The following SCEL variants were observed in gnomAD, a reference collection of about 807,000 sequenced individuals.
SCEL encodes sciellin.
In SCEL, 113 loss-of-function variants were observed where a neutral mutation model predicts 117.6. That is an observed-to-expected ratio of 0.96 (90% CI 0.83 to 1.12). The LOEUF is 1.12. Ranked by LOEUF, SCEL falls within the 50% of genes most tolerant of loss-of-function variation. The pLI, the probability that SCEL is intolerant of heterozygous loss-of-function variation, is 0.00. For synonymous variants in SCEL, 270 were observed against 256.2 expected (o/e 1.05, Z -0.51); for missense variants, 785 against 810.8 (o/e 0.97, Z 0.39).
chr13:77,641,155 G>A (rs376405262), intron 31 of SCEL, among the ~76,000 whole-genome samples: 5 of 152,290 alleles, frequency 3.3e-5, no homozygotes, highest in African/African-American at 1.2e-4. Context: ...TGAGAAGAAA[G>A]CTAGCAGTTT....
chr13:77,591,510 T>C (rs1471198777), intron 11 of SCEL, 50 bp downstream of exon 11: 1 of 1,070,264 alleles, frequency 9.3e-7, no homozygotes, highest in East Asian at 2.4e-5. Context: ...TGATAAAGTA[T>C]GCTTTCTCAG....
At chr13:77,615,038 A>G (rs1464329786) in intron 24 of SCEL, among the ~76,000 whole-genome samples, 5 of 152,296 alleles carry the variant, frequency 3.3e-5, no homozygotes, top group Non-Finnish European at 7.4e-5. Flanking sequence ...TTGTCAGTTT[A>G]ATATATTACA....
chr13:77,592,950 G>A (rs1412807288), intron 11 of SCEL, among the ~76,000 whole-genome samples: 1 of 152,074 alleles, frequency 6.6e-6, no homozygotes, highest in Non-Finnish European at 1.5e-5. Flanking sequence ...TGGAATACAT[G>A]AGCCCTCTAT....
At chr13:77,583,085 C>A (rs1174127977) in intron 9 of SCEL, among the ~76,000 whole-genome samples, 1 of 152,218 alleles carries the variant, frequency 6.6e-6, no homozygotes, top group Non-Finnish European at 1.5e-5. Context: ...TTATTAACCA[C>A]AACAGCATCT....
chr13:77,546,800 T>C (rs1376540426), intron 1 of SCEL, among the ~76,000 whole-genome samples: 1 of 152,174 alleles, frequency 6.6e-6, no homozygotes, highest in Non-Finnish European at 1.5e-5. Context: ...CATGACACTG[T>C]CAAGGAACCG....
chr13:77,637,991 T>C (rs1281823326), intron 30 of SCEL, among the ~76,000 whole-genome samples: 1 of 152,200 alleles, frequency 6.6e-6, no homozygotes, highest in Non-Finnish European at 1.5e-5. Flanking sequence ...ATAATTAGTA[T>C]TTCAACCCAA....
chr13:77,539,917 T>C (rs1488131116), intron 1 of SCEL, among the ~76,000 whole-genome samples: 1 of 152,154 alleles, frequency 6.6e-6, no homozygotes, highest in South Asian at 2.1e-4. Context: ...AGGAAGTTAA[T>C]GAAGGGTGCT....
intron 27 of SCEL, among the ~76,000 whole-genome samples, chr13:77,619,192 A>G (rs1268889076): frequency 3.3e-5 from 5 of 152,176 alleles, no homozygotes; most frequent in Non-Finnish European, 1.5e-5. Flanking sequence ...AGTATAATCC[A>G]TGATTGGCCT....
intron 3 of SCEL, among the ~76,000 whole-genome samples, chr13:77,559,121 A>G (rs527309823): frequency 1.1e-4 from 17 of 152,280 alleles, no homozygotes; most frequent in African/African-American, 3.6e-4. Context: ...TGGGTCCTAG[A>G]CCCACCTCTG....
chr13:77,592,573 T>TC (rs2086936613), intron 11 of SCEL, among the ~76,000 whole-genome samples: 1 of 150,676 alleles, frequency 6.6e-6, no homozygotes, highest in Non-Finnish European at 1.5e-5. Flanking sequence ...TTTTTTTTTT[T>TC]TTTTTGACAG....
At chr13:77,637,492 T>G (rs2090359482) in intron 30 of SCEL, among the ~76,000 whole-genome samples, 1 of 151,370 alleles carries the variant, frequency 6.6e-6, no homozygotes, top group Non-Finnish European at 1.5e-5. Flanking sequence ...TGTATGTGCA[T>G]GGGCAGACCA....
intron 24 of SCEL, 81 bp downstream of exon 24, chr13:77,614,036 G>T: frequency 8.8e-7 from 1 of 1,130,768 alleles, no homozygotes; most frequent in Non-Finnish European, 1.3e-6. Flanking sequence ...ATTATTCTAT[G>T]GGCAAATTGA....
intron 27 of SCEL, among the ~76,000 whole-genome samples, chr13:77,625,819 T>G (rs2089701714): frequency 6.6e-6 from 1 of 152,244 alleles, no homozygotes; most frequent in Non-Finnish European, 1.5e-5. Context: ...ATAATAACCT[T>G]ATTTGAACCC....
In SCEL at chr13:77,622,768, G is replaced by A. The variant is rs75899668; in HGVS notation, c.1628+4708G>A. On this transcript the variant is annotated intron_variant, in intron 27 of 32. Coordinates refer to ENST00000349847, the MANE Select transcript of SCEL (RefSeq NM_144777.3). Reference sequence around the variant, plus strand: ...TCCCAGTTACTTGGGAAGCTAAGACGGGAAGATTGCTTGAGTCCAGGAGTT... The same window carrying A: ...TCCCAGTTACTTGGGAAGCTAAGACAGGAAGATTGCTTGAGTCCAGGAGTT... Among the ~76,000 whole-genome samples, 1,022 of 152,224 alleles carry A rather than the reference G, an allele frequency of 6.7e-3. 10 individuals carry two copies. The highest frequency in any genetic ancestry group is 0.023 in the African/African-American group (973 of 41,522).
At chr13:77,630,536 T>C (rs2089976149) in intron 28 of SCEL, among the ~76,000 whole-genome samples, 1 of 152,236 alleles carries the variant, frequency 6.6e-6, no homozygotes, top group Non-Finnish European at 1.5e-5. Context: ...TTTTTATTTC[T>C]CTTAGGTGTA....
chr13:77,606,263 G>A (rs751959805), intron 19 of SCEL, among the ~76,000 whole-genome samples: 1 of 152,188 alleles, frequency 6.6e-6, no homozygotes, highest in Non-Finnish European at 1.5e-5. Flanking sequence ...ATATACACAT[G>A]TGCTTTTTTG....
intron 27 of SCEL, among the ~76,000 whole-genome samples, chr13:77,624,805 C>CCG (rs2089644021): frequency 1.3e-5 from 2 of 152,124 alleles, no homozygotes; most frequent in African/African-American, 4.8e-5. Flanking sequence ...ACAGACCAGA[C>CCG]AATCTTAAAG....
intron 1 of SCEL, among the ~76,000 whole-genome samples, chr13:77,552,646 C>T (rs1480295955): frequency 6.6e-6 from 1 of 152,110 alleles, no homozygotes; most frequent in African/African-American, 2.4e-5. Flanking sequence ...CTGTAGGTTC[C>T]CTGTTCACTC....
chr13:77,551,627 C>T (rs1429199748), intron 1 of SCEL, among the ~76,000 whole-genome samples: 2 of 152,108 alleles, frequency 1.3e-5, no homozygotes. Flanking sequence ...TCTCTTCTTA[C>T]AAGGTCACCA....
Sources: gnomAD v4.1 joint callset for allele counts (sites outside exome capture counted in the v4.1 genomes callset) on GRCh38, gnomAD v4.1.1 for gene constraint, MANE v1.5 for transcripts, NCBI Gene and HGNC (gene_info 2026-07-23, HGNC 2026-07-21) for gene names.